ZNF620: variants seen among roughly 807,000 people sequenced by gnomAD.
The protein encoded by ZNF620 is zinc finger protein 620.
A neutral mutation model predicts 13.3 loss-of-function variants in ZNF620; 10 were observed. The ratio of observed to expected loss-of-function variants is 0.75; its 90% CI spans 0.46 to 1.28. The LOEUF (loss-of-function observed/expected upper bound fraction) is 1.28, where lower values mean the gene tolerates loss of function less well. Among genes scored for constraint, ZNF620 ranks in the 50% most tolerant of loss-of-function variants. The pLI, the probability that ZNF620 is intolerant of heterozygous loss-of-function variation, is 0.00. For missense variants in ZNF620, 461 were observed against 500.2 expected (o/e 0.92, Z 0.75); for synonymous variants, 166 against 177.6 (o/e 0.93, Z 0.52).
Position 40,511,506 on chromosome 3 carries a change from A to AC in ZNF620, c.64dup (p.Gln22ProfsTer3), listed in dbSNP as rs1249339222. 1.2e-5 allele frequency: 20 copies of AC among 1,613,582 alleles called. No individual in the cohort carries two copies. In the Admixed American group the frequency reaches 1.7e-4, roughly 13 times the overall value. ...CTTTGAGGATGTGGCTGTGTACTTC[A>AC]CCCAGAATGAATGGGCCAGCCTGGA... On this transcript the variant is annotated frameshift_variant, in exon 3 of 5. Transcript: ENST00000314529. LOFTEE classifies it high-confidence loss of function.
intron 4 of ZNF620, 138 bp from the exon 5 acceptor site, chr3:40,515,722 T>C: frequency 1.9e-6 from 2 of 1,036,876 alleles, no homozygotes; most frequent in Non-Finnish European, 2.8e-6. Context: ...TTAGAAAATA[T>C]CCATATATTC....
intron 2 of ZNF620, chr3:40,508,698 A>T (rs1559548812): frequency 4.4e-6 from 2 of 455,106 alleles, no homozygotes; most frequent in Non-Finnish European, 8.8e-6. Context: ...CAGTGGTGCA[A>T]TCACAGCTCA....
chr3:40,513,316 A>AAAAAACATATATATAT (rs1193351404), intron 4 of ZNF620, among the ~76,000 whole-genome samples: 3 of 62,684 alleles, frequency 4.8e-5, no homozygotes, highest in African/African-American at 2.6e-4. Context: ...AAAAAAAAAA[A>AAAAAACATATATATAT]ATATATATAT....
chr3:40,514,490 T>C (rs1268961273), intron 4 of ZNF620, among the ~76,000 whole-genome samples: 1 of 152,172 alleles, frequency 6.6e-6, no homozygotes, highest in African/African-American at 2.4e-5. Context: ...CTTTGTCTTG[T>C]GTCTTTATTT....
rs1698425522 is a variant in ZNF620 at position 40,517,378 on chromosome 3, T to TG, written c.*516dup. 7.0e-6 allele frequency: 1 copy of TG among 143,544 alleles called. No homozygotes were observed. The highest frequency in any genetic ancestry group is 2.9e-5 in the African/African-American group (1 of 35,086). 8.9% of individuals were successfully genotyped at this position (143,544 alleles called of 1,614,324 possible). ...CAATATGGTGAAACCCCGTCTCTCC[T>TG]GAAAAAAAAAAACACAAAAATTAGC... On this transcript the variant is annotated 3_prime_UTR_variant, in exon 5 of 5. Coordinates refer to ENST00000314529, the MANE Select transcript of ZNF620 (RefSeq NM_175888.4).
intron 2 of ZNF620, among the ~76,000 whole-genome samples, chr3:40,507,883 C>G (rs1698077675): frequency 6.6e-6 from 1 of 152,212 alleles, no homozygotes; most frequent in African/African-American, 2.4e-5. Flanking sequence ...CCCCGCTCAG[C>G]CTCCCAGGTA....
intron 2 of ZNF620, chr3:40,508,777 A>G (rs1698109743): frequency 4.4e-6 from 2 of 456,408 alleles, no homozygotes; most frequent in South Asian, 1.5e-5. Context: ...GACTACAGGT[A>G]CAGACCACTG....
chr3:40,511,657 T>C lies in ZNF620; in HGVS notation c.151+61T>C, dbSNP rs115648945. 2.3e-4 allele frequency: 353 copies of C among 1,567,126 alleles called. 2 individuals carry two copies. The African/African-American group carries it at 4.5e-3, about 20-fold the overall frequency. The stretch of plus-strand genomic sequence containing the variant: ...TTAAGCATCCTGGCTTCTTTATTCC[T>C]TAGAACTTTGTGGGGTTTTTTTCTT... On this transcript the variant is annotated intron_variant, in intron 3 of 4. Transcript: ENST00000314529.
At chr3:40,507,238 C>T (rs957959779) in intron 2 of ZNF620, among the ~76,000 whole-genome samples, 3 of 151,744 alleles carry the variant, frequency 2.0e-5, no homozygotes, top group South Asian at 2.1e-4. Flanking sequence ...ACTACAAGCA[C>T]GCGCCACCAC....
In ZNF620 at chr3:40,516,727, C is replaced by A; in HGVS notation, c.1133C>A (p.Thr378Asn). 1 of 1,614,184 alleles carries A rather than the reference C, an allele frequency of 6.2e-7. No homozygotes were observed. The highest frequency in any genetic ancestry group is 8.5e-7 in the Non-Finnish European group (1 of 1,180,032). The stretch of plus-strand genomic sequence containing the variant: ...GGGAAGGCATTCAATCAGAAAATAA[C>A]CCTGATTCAGCACCAGCGAGTTCAC... ...ECGKAFNQKITLIQHQRVHTG... is the reference protein window; with the variant it reads ...ECGKAFNQKINLIQHQRVHTG... The change falls in exon 5 of 5, where the codon ACC becomes AAC. Residue 378 changes from threonine to asparagine, a missense_variant. Coordinates refer to ENST00000314529, the MANE Select transcript of ZNF620 (RefSeq NM_175888.4).
At chr3:40,512,374 CT>C in intron 3 of ZNF620, 27 bp from the exon 4 acceptor site, 1 of 1,601,000 alleles carries the variant, frequency 6.2e-7, no homozygotes, top group South Asian at 1.1e-5. Flanking sequence ...TTCCCCTTAC[CT>C]TTTCCTGTTT....
chr3:40,513,712 G>T (rs1371209357), intron 4 of ZNF620, among the ~76,000 whole-genome samples: 1 of 151,710 alleles, frequency 6.6e-6, no homozygotes, highest in Non-Finnish European at 1.5e-5. Context: ...AATTATGCTA[G>T]AAATAGATTA....
intron 3 of ZNF620, 76 bp from the exon 4 acceptor site, chr3:40,512,326 A>G (rs1698225685): frequency 8.0e-6 from 10 of 1,250,028 alleles, no homozygotes; most frequent in Non-Finnish European, 1.2e-6. Flanking sequence ...CTCAGCAGAT[A>G]AAGATAAAGG....
chr3:40,515,151 A>G (rs960272432), intron 4 of ZNF620, among the ~76,000 whole-genome samples: 13 of 152,220 alleles, frequency 8.5e-5, no homozygotes, highest in African/African-American at 2.9e-4. Context: ...GAAAAATGGC[A>G]AGCATCGTTA....
chr3:40,510,185 G>A (rs934618029), intron 2 of ZNF620, among the ~76,000 whole-genome samples: 1 of 151,972 alleles, frequency 6.6e-6, no homozygotes, highest in African/African-American at 2.4e-5. Flanking sequence ...GCTAATTTTT[G>A]CATATTTTGT....
intron 4 of ZNF620, among the ~76,000 whole-genome samples, chr3:40,513,326 T>G (rs1417062097): frequency 2.4e-5 from 1 of 42,112 alleles, no homozygotes; most frequent in East Asian, 1.1e-3. Flanking sequence ...AATATATATA[T>G]ATATATATAT....
intron 2 of ZNF620, 33 bp from the exon 3 acceptor site, chr3:40,511,437 A>G: frequency 6.2e-7 from 1 of 1,608,084 alleles, no homozygotes; most frequent in East Asian, 2.2e-5. Flanking sequence ...CTCTGCCCTC[A>G]CACAGGGTTT....
At chr3:40,507,566 T>A (rs1021618620) in intron 2 of ZNF620, among the ~76,000 whole-genome samples, 24 of 152,192 alleles carry the variant, frequency 1.6e-4, no homozygotes, top group Admixed American at 9.2e-4. Flanking sequence ...AGGTATTGAT[T>A]TGCAGTTTTC....
At position 40,515,879 on chromosome 3, in the gene ZNF620, G is replaced by A. The variant is rs1575294869; in HGVS notation, c.285G>A (p.Glu95=). The change falls in exon 5 of 5, where the codon GAG becomes GAA. Residue 95 remains glutamate (E), a synonymous_variant. Coordinates refer to ENST00000314529, the MANE Select transcript of ZNF620 (RefSeq NM_175888.4). ...GICPGDEART[E]KEGLTPKDHV... ...TGATAGGGGATGAGGCCAGAACTGAGAAGGAAGGATTAACTCCAAAGGATC... is the reference window on the plus strand; with the variant it reads ...TGATAGGGGATGAGGCCAGAACTGAAAAGGAAGGATTAACTCCAAAGGATC... 1.2e-6 allele frequency: 2 copies of A among 1,610,706 alleles called. No homozygotes were observed. Among genetic ancestry groups the A allele is most frequent in the Non-Finnish European group, 1.7e-6 (2 of 1,178,304 alleles).
Sources: gnomAD v4.1 joint callset for allele counts (sites outside exome capture counted in the v4.1 genomes callset) on GRCh38, gnomAD v4.1.1 for gene constraint, MANE v1.5 for transcripts, NCBI Gene and HGNC (gene_info 2026-07-23, HGNC 2026-07-21) for gene names.